The following G3BP1 variants were observed in gnomAD, a reference collection of about 807,000 sequenced individuals.
The protein encoded by G3BP1 is ras GTPase-activating protein-binding protein 1.
In G3BP1, 35 loss-of-function variants were observed where a neutral mutation model predicts 58.6. The observed-to-expected ratio is 0.60, with a 90% confidence interval of 0.46 to 0.79. The LOEUF is 0.79. Ranked by LOEUF, G3BP1 falls within the 30% of genes least tolerant of loss-of-function variation. G3BP1 has a pLI of 0.00. For synonymous variants in G3BP1, 191 were observed against 195.4 expected, an observed-to-expected ratio of 0.98 and a Z score of 0.19; for missense variants, 523 against 580.8, an observed-to-expected ratio of 0.90 and a Z score of 1.02.
chr5:151,772,812 C>T (rs568640217), intron 1 of G3BP1: 61 of 152,400 alleles, frequency 4.0e-4, no homozygotes, highest in Admixed American at 6.5e-4. Flanking sequence ...TGTTTTTAGT[C>T]TTTGCCCCCA....
In G3BP1 at chr5:151,783,384, T is replaced by A. The variant is rs146228793; in HGVS notation, c.-49-3188T>A. Among the ~76,000 whole-genome samples, 1,498 of 152,260 alleles carry A rather than the reference T, an allele frequency of 9.8e-3. 28 individuals are homozygous for A. Among genetic ancestry groups the A allele is most frequent in the African/African-American group, 0.034 (1,423 of 41,540 alleles). On this transcript the variant is annotated intron_variant, in intron 1 of 11. Transcript: ENST00000356245. ...AAAATTTACATTTTCTTTCTTTTTT[T>A]TTGCTGTGAATGATCAAATAAACAG...
In G3BP1 at chr5:151,804,234, A is replaced by G. The variant is rs1421835802; in HGVS notation, c.*143A>G. 9 of 537,352 alleles carry G rather than the reference A, an allele frequency of 1.7e-5. No individual in the cohort carries two copies. The highest frequency in any genetic ancestry group is 2.6e-5 in the Non-Finnish European group (8 of 306,214). The allele number at this position is 537,352 out of a possible 1,614,324, so 33.3% of individuals were successfully genotyped here. A position where few individuals can be genotyped will look rare whatever the true frequency, so the allele number is the denominator to read the frequency against. On this transcript the variant is annotated 3_prime_UTR_variant, in exon 12 of 12. Transcript: ENST00000356245. ...TATAATTTTACTTTTTTTGTGTGTT[A>G]ATGGTGTGTGCTCCCTCTCCCTCTC...
chr5:151,783,373 C>G (rs1037310567), intron 1 of G3BP1, among the ~76,000 whole-genome samples: 2 of 151,022 alleles, frequency 1.3e-5, no homozygotes, highest in African/African-American at 4.9e-5. Context: ...TTTACATTTT[C>G]TTTCTTTTTT....
rs376309064 is a variant in G3BP1 at position 151,797,322 on chromosome 5, A to C, written c.635A>C (p.Glu212Ala). 13 of 1,614,098 alleles carry C rather than the reference A, an allele frequency of 8.1e-6. No homozygotes were observed. Among genetic ancestry groups the C allele is most frequent in the Non-Finnish European group, 1.1e-5 (13 of 1,179,946 alleles). Residue 212 changes from glutamate (E) to alanine (A), a missense_variant, in exon 7 of 12, where the codon GAG (glutamate) becomes GCG (alanine). Transcript: ENST00000356245. ...PEQEPVSEIQ[E>A]EKPEPVLEET... is the part of the protein sequence containing the mutation. ...CAAGAACCTGTATCTGAAATCCAAG[A>C]GGAAAAGCCTGAGCCAGTATTAGAA...
intron 2 of G3BP1, among the ~76,000 whole-genome samples, chr5:151,788,378 CA>C: frequency 6.6e-6 from 1 of 151,802 alleles, no homozygotes; most frequent in East Asian, 1.9e-4. Context: ...AGTGATAAAA[CA>C]AGTCTCAAAG....
intron 2 of G3BP1, chr5:151,786,980 C>G (rs562340334): frequency 8.4e-6 from 2 of 237,136 alleles, no homozygotes; most frequent in Admixed American, 1.1e-4. Flanking sequence ...GTAGCTGGGA[C>G]CACAGGTGCC....
chr5:151,788,601 T>C (rs1434501277), intron 2 of G3BP1, among the ~76,000 whole-genome samples: 2 of 150,402 alleles, frequency 1.3e-5, no homozygotes, highest in African/African-American at 4.9e-5. Flanking sequence ...TGTGTGTGTG[T>C]GTGTGTGTGT....
chr5:151,809,710 T>C lies in G3BP1; in HGVS notation c.*5619T>C, dbSNP rs533307474. On this transcript the variant is annotated 3_prime_UTR_variant, in exon 12 of 12. Transcript: ENST00000356245. The stretch of plus-strand genomic sequence containing the variant: ...CCCAAATCTGCTTTTAGAAGTAATA[T>C]GGTGATCATCAGTTTAGATTCACTG... 4 of 152,188 alleles carry C rather than the reference T, an allele frequency of 2.6e-5. No homozygotes were observed. The highest frequency in any genetic ancestry group is 5.9e-5 in the Non-Finnish European group (4 of 68,028). 9.4% of individuals were successfully genotyped at this position (152,188 alleles called of 1,614,324 possible).
rs764373067 is a variant in G3BP1 at position 151,799,866 on chromosome 5, A to G, written c.844-23A>G. ...GATAAGCCTGCTTTGTTTTAACACAAAAGTTAACTTAAAATTTTTCAGCCC... is the reference window on the plus strand; with the variant it reads ...GATAAGCCTGCTTTGTTTTAACACAGAAGTTAACTTAAAATTTTTCAGCCC... On this transcript the variant is annotated intron_variant, in intron 8 of 11. Coordinates refer to ENST00000356245, the MANE Select transcript of G3BP1 (RefSeq NM_005754.3). The G allele has an allele frequency of 5.0e-6, 7 of 1,413,802 alleles. No individual in the cohort carries two copies. The Admixed American group carries it at 1.1e-4, about 22-fold the overall frequency. 87.6% of individuals were successfully genotyped at this position (1,413,802 alleles called of 1,614,324 possible).
chr5:151,782,892 CTG>C (rs1762492937), intron 1 of G3BP1, among the ~76,000 whole-genome samples: 1 of 117,462 alleles, frequency 8.5e-6, no homozygotes, highest in Admixed American at 1.2e-4. Context: ...GACTCTCGCT[CTG>C]TCGCCCAGGC....
chr5:151,773,389 G>A, intron 1 of G3BP1, among the ~76,000 whole-genome samples: 1 of 152,234 alleles, frequency 6.6e-6, no homozygotes, highest in Admixed American at 6.5e-5. Context: ...TTGGAGATGT[G>A]TTGGAAAAAA....
At chr5:151,787,777 A>T in intron 2 of G3BP1, 1 of 319,616 alleles carries the variant, frequency 3.1e-6, no homozygotes, top group Middle Eastern at 3.9e-4. Context: ...TGCATATTGG[A>T]TACCACATGA....
chr5:151,788,612 GTA>G (rs1449316991), intron 2 of G3BP1, among the ~76,000 whole-genome samples: 3 of 146,440 alleles, frequency 2.0e-5, no homozygotes, highest in Non-Finnish European at 3.0e-5. Flanking sequence ...GTGTGTGTGT[GTA>G]TTATTTATTT....
In G3BP1 at chr5:151,796,879, T is replaced by A. The variant is rs536368319; in HGVS notation, c.540-348T>A. ...GACTATACCCATTGAATGGCAACTT[T>A]CTTTCCCGCCCCCCCCGCCCCAGCC... On this transcript the variant is annotated intron_variant, in intron 6 of 11. Coordinates refer to ENST00000356245, the MANE Select transcript of G3BP1 (RefSeq NM_005754.3). Among the ~76,000 whole-genome samples, 19 of 151,252 alleles carry A rather than the reference T, an allele frequency of 1.3e-4. No homozygotes were observed. The East Asian group carries it at 3.5e-3, about 28-fold the overall frequency.
At position 151,797,414 on chromosome 5, in the gene G3BP1, C is replaced by G; in HGVS notation, c.727C>G (p.Gln243Glu). The stretch of plus-strand genomic sequence containing the variant: ...ACCTGCAGACATAGCTCAGACAGTA[C>G]AGGAAGACTTGAGGGTATGAAACGT... The part of the protein sequence containing the change: ...PAPADIAQTV[Q>E]EDLRTFSWAS... The change falls in exon 7 of 12, where the codon CAG becomes GAG. Residue 243 changes from glutamine (Q) to glutamate (E), a missense_variant. Physicochemically the swap from Gln to Glu is conservative, Grantham distance 29. Around this residue, in one of 2 missense-constraint regions of G3BP1, gnomAD observed 398 missense variants for 399.1 expected, o/e 1.00. Transcript: ENST00000356245. 6.2e-7 allele frequency: 1 copy of G among 1,609,472 alleles called. No individual in the cohort carries two copies. The highest frequency in any genetic ancestry group is 8.5e-7 in the Non-Finnish European group (1 of 1,176,208).
intron 4 of G3BP1, among the ~76,000 whole-genome samples, chr5:151,792,555 A>G (rs1410416172): frequency 6.6e-6 from 1 of 152,246 alleles, no homozygotes; most frequent in Non-Finnish European, 1.5e-5. Context: ...ACACTATTAT[A>G]TAAACTGTCT....
At chr5:151,772,426 T>TC (rs1288125643) in intron 1 of G3BP1, 1 of 152,238 alleles carries the variant, frequency 6.6e-6, no homozygotes, top group Admixed American at 6.5e-5. Flanking sequence ...GGCCAAGGGA[T>TC]CCAGTCGGTT....
chr5:151,786,512 T>C (rs749385324), intron 1 of G3BP1, 60 bp from the exon 2 acceptor site: 3 of 721,116 alleles, frequency 4.2e-6, no homozygotes, highest in Non-Finnish European at 7.6e-6. Flanking sequence ...GAAATGATCT[T>C]GTCTCTGAGT....
intron 4 of G3BP1, chr5:151,791,695 C>T (rs2964571): frequency 0.2 from 32,496 of 159,734 alleles, 4,001 homozygotes; most frequent in South Asian, 0.31. Context: ...CTCACTGTAT[C>T]GTCCAGGCTG....
Sources: allele counts gnomAD v4.1 joint callset (sites outside exome capture counted in the v4.1 genomes callset), GRCh38; gene constraint gnomAD v4.1.1; regional missense constraint gnomAD v4.1.1; transcripts MANE v1.5; gene names NCBI Gene and HGNC (gene_info 2026-07-23, HGNC 2026-07-21).